REDIC1: variants seen among roughly 807,000 people sequenced by gnomAD.
REDIC1 encodes HEI10 Interacting Protein 1.
chr12:39,905,270 A>T, the REDIC1 span, among the ~76,000 whole-genome samples: 3 of 152,118 alleles, frequency 2.0e-5, no homozygotes, highest in African/African-American at 7.2e-5. Context: ...TGCATTCATC[A>T]TCTCTGTCTT....
chr12:39,716,484 A>T, the REDIC1 span, among the ~76,000 whole-genome samples: 19 of 152,018 alleles, frequency 1.2e-4, no homozygotes, highest in Non-Finnish European at 2.1e-4. Flanking sequence ...GGAAAAATCA[A>T]TCCAACTTTC....
the REDIC1 span, among the ~76,000 whole-genome samples, chr12:39,735,117 T>A: frequency 9.7e-4 from 147 of 152,290 alleles, no homozygotes; most frequent in Admixed American, 1.9e-3. Flanking sequence ...TGTTACACAT[T>A]TTGGTACCTG....
At chr12:39,895,551 T>C in the REDIC1 span, among the ~76,000 whole-genome samples, 62,550 of 66,740 alleles carry the variant, frequency 0.94, 29,435 homozygotes, top group Middle Eastern at 0.98. Flanking sequence ...TATATATATA[T>C]ACACACACAC....
chr12:39,884,807 T>G, the REDIC1 span, among the ~76,000 whole-genome samples: 1 of 152,154 alleles, frequency 6.6e-6, no homozygotes, highest in South Asian at 2.1e-4. Context: ...CTGTTTCTCA[T>G]GTCCCAAGAT....
chr12:39,778,337 C>A, the REDIC1 span, among the ~76,000 whole-genome samples: 1 of 152,166 alleles, frequency 6.6e-6, no homozygotes, highest in Admixed American at 6.5e-5. Flanking sequence ...AGCTGAGGGG[C>A]TAGTAGCCAC....
chr12:39,675,052 G>GC, the REDIC1 span, among the ~76,000 whole-genome samples: 905 of 152,270 alleles, frequency 5.9e-3, 8 homozygotes, highest in African/African-American at 0.021. Flanking sequence ...AGCACTGTGT[G>GC]CCCATTGCCT....
At chr12:39,797,118 G>A in the REDIC1 span, among the ~76,000 whole-genome samples, 1 of 152,170 alleles carries the variant, frequency 6.6e-6, no homozygotes, top group African/African-American at 2.4e-5. Flanking sequence ...ACTGGTTAAT[G>A]AAAACTATTC....
the REDIC1 span, among the ~76,000 whole-genome samples, chr12:39,693,043 A>G: frequency 7.2e-5 from 11 of 152,182 alleles, no homozygotes; most frequent in East Asian, 7.7e-4. Context: ...TTGGCCATCA[A>G]TGTTTCATTT....
At chr12:39,892,101 C>T in the REDIC1 span, among the ~76,000 whole-genome samples, 1 of 152,188 alleles carries the variant, frequency 6.6e-6, no homozygotes, top group East Asian at 1.9e-4. Flanking sequence ...AGCATTCATT[C>T]TACTGCAGTT....
the REDIC1 span, among the ~76,000 whole-genome samples, chr12:39,660,061 A>G: frequency 2.0e-5 from 3 of 151,864 alleles, no homozygotes; most frequent in Non-Finnish European, 4.4e-5. Context: ...GAAATTTTCC[A>G]CTCTAGAGGG....
At chr12:39,744,291 G>C in the REDIC1 span, among the ~76,000 whole-genome samples, 1 of 152,180 alleles carries the variant, frequency 6.6e-6, no homozygotes, top group Non-Finnish European at 1.5e-5. Context: ...GAGGGAGTTT[G>C]TTGTCAGTAC....
chr12:39,686,162 C>G, the REDIC1 span, among the ~76,000 whole-genome samples: 1 of 152,160 alleles, frequency 6.6e-6, no homozygotes, highest in Non-Finnish European at 1.5e-5. Flanking sequence ...TGGCGGTCTT[C>G]TTCTCATGGC....
the REDIC1 span, among the ~76,000 whole-genome samples, chr12:39,707,795 T>C: frequency 6.6e-6 from 1 of 151,860 alleles, no homozygotes; most frequent in Non-Finnish European, 1.5e-5. Flanking sequence ...TCATATAACC[T>C]TTAAAATCAA....
the REDIC1 span, chr12:39,692,221 TCATGG>T: frequency 1.9e-6 from 2 of 1,081,084 alleles, no homozygotes; most frequent in Non-Finnish European, 2.5e-6. Flanking sequence ...CAAATATATA[TCATGG>T]ATATTTTAGT....
chr12:39,809,481 C>G, the REDIC1 span, among the ~76,000 whole-genome samples: 1 of 152,036 alleles, frequency 6.6e-6, no homozygotes, highest in Admixed American at 6.6e-5. Context: ...ATCTAGAGAT[C>G]AACTTAAAAG....
the REDIC1 span, among the ~76,000 whole-genome samples, chr12:39,820,056 G>A: frequency 4.6e-5 from 7 of 152,054 alleles, no homozygotes; most frequent in East Asian, 1.4e-3. Flanking sequence ...ATATTTATGG[G>A]TTTGTCCATG....
the REDIC1 span, among the ~76,000 whole-genome samples, chr12:39,838,497 A>T: frequency 1.3e-4 from 13 of 103,016 alleles, no homozygotes; most frequent in South Asian, 6.1e-4. Flanking sequence ...ATAATAAAAA[A>T]AAATAAATTA....
the REDIC1 span, among the ~76,000 whole-genome samples, chr12:39,700,770 G>A: frequency 2.0e-5 from 3 of 151,874 alleles, no homozygotes; most frequent in Non-Finnish European, 2.9e-5. Flanking sequence ...GAAGAGAGTG[G>A]GGGCCAATAT....
At chr12:39,852,712 T>TG in the REDIC1 span, among the ~76,000 whole-genome samples, 1 of 152,210 alleles carries the variant, frequency 6.6e-6, no homozygotes, top group Non-Finnish European at 1.5e-5. Context: ...CTACTCCCTT[T>TG]GTAACCTCCA....
Sources: gnomAD v4.1 joint callset for allele counts (sites outside exome capture counted in the v4.1 genomes callset) on GRCh38, gnomAD v4.1.1 for gene constraint, MANE v1.5 for transcripts, NCBI Gene and HGNC (gene_info 2026-07-23, HGNC 2026-07-21) for gene names.